SHISA9: variants seen among roughly 807,000 people sequenced by gnomAD.
SHISA9 encodes the protein shisa family member 9.
In SHISA9, 13 loss-of-function variants were observed where a neutral mutation model predicts 38.0. That is an observed-to-expected ratio of 0.34 (90% confidence interval 0.22 to 0.54). SHISA9 has a LOEUF of 0.54. Ranked by LOEUF, SHISA9 falls within the 20% of genes least tolerant of loss-of-function variation. SHISA9 has a pLI of 0.91. For synonymous variants in SHISA9, 275 were observed against 242.0 expected (o/e 1.14, Z -1.27); for missense variants, 538 against 575.8 (o/e 0.93, Z 0.67).
At chr16:13,019,514 C>G (rs893794719) in intron 2 of SHISA9, among the ~76,000 whole-genome samples, 2 of 151,942 alleles carry the variant, frequency 1.3e-5, no homozygotes, top group Non-Finnish European at 2.9e-5. Context: ...TACATAATCA[C>G]AAAGTCTCTG....
chr16:12,986,352 G>T (rs1419211430), intron 2 of SHISA9, among the ~76,000 whole-genome samples: 2 of 152,156 alleles, frequency 1.3e-5, no homozygotes, highest in Non-Finnish European at 2.9e-5. Flanking sequence ...GGGGAGACGA[G>T]GGTGAAGTAT....
At chr16:13,162,521 G>C (rs1382329525) in intron 2 of SHISA9, among the ~76,000 whole-genome samples, 2 of 152,156 alleles carry the variant, frequency 1.3e-5, no homozygotes, top group Non-Finnish European at 2.9e-5. Flanking sequence ...CTGATTGCTT[G>C]ACTGATACTC....
At chr16:13,378,259 G>C in the SHISA9 span, among the ~76,000 whole-genome samples, 1 of 152,140 alleles carries the variant, frequency 6.6e-6, no homozygotes, top group African/African-American at 2.4e-5. Flanking sequence ...CTTGTTCCAG[G>C]TACTCACATA....
At chr16:12,973,718 C>T (rs967313309) in intron 2 of SHISA9, among the ~76,000 whole-genome samples, 2 of 152,112 alleles carry the variant, frequency 1.3e-5, no homozygotes, top group African/African-American at 4.8e-5. Flanking sequence ...AAATTTTAAA[C>T]TATAAATATT....
the SHISA9 span, among the ~76,000 whole-genome samples, chr16:13,538,959 C>G: frequency 1.5e-4 from 23 of 151,886 alleles, no homozygotes; most frequent in Non-Finnish European, 8.8e-5. Context: ...TGTTGAGAAA[C>G]AGAATGCCTT....
At chr16:13,482,064 C>T in the SHISA9 span, among the ~76,000 whole-genome samples, 2 of 152,200 alleles carry the variant, frequency 1.3e-5, no homozygotes, top group Admixed American at 1.3e-4. Context: ...CGCATCTGTG[C>T]TTTTTCCATC....
At chr16:13,122,278 C>G (rs1245589250) in intron 2 of SHISA9, among the ~76,000 whole-genome samples, 1 of 152,126 alleles carries the variant, frequency 6.6e-6, no homozygotes, top group Non-Finnish European at 1.5e-5. Context: ...CCAAGGTTCC[C>G]CAGAAGTCCT....
chr16:13,493,522 G>T, the SHISA9 span, among the ~76,000 whole-genome samples: 1 of 152,176 alleles, frequency 6.6e-6, no homozygotes, highest in Admixed American at 6.5e-5. Context: ...ACGGGGCTCT[G>T]ATAGGTAGGA....
At chr16:13,370,213 C>G in the SHISA9 span, among the ~76,000 whole-genome samples, 1 of 152,134 alleles carries the variant, frequency 6.6e-6, no homozygotes, top group Non-Finnish European at 1.5e-5. Flanking sequence ...TAACGACCAA[C>G]GTAACTTGTG....
chr16:13,505,873 C>T, the SHISA9 span, among the ~76,000 whole-genome samples: 2 of 152,078 alleles, frequency 1.3e-5, no homozygotes, highest in Non-Finnish European at 2.9e-5. Context: ...AGGTGTTGAC[C>T]CATCTTTTTC....
the SHISA9 span, among the ~76,000 whole-genome samples, chr16:13,487,858 A>G: frequency 6.6e-6 from 1 of 152,230 alleles, no homozygotes; most frequent in Non-Finnish European, 1.5e-5. Flanking sequence ...GACTAGCTCC[A>G]TGTGCATTTG....
intron 2 of SHISA9, among the ~76,000 whole-genome samples, chr16:13,076,207 T>C (rs2073580013): frequency 6.6e-6 from 1 of 152,060 alleles, no homozygotes; most frequent in African/African-American, 2.4e-5. Context: ...AGTTTTGTAT[T>C]TTTAGTAGAG....
At chr16:13,173,828 G>A (rs892246341) in intron 2 of SHISA9, among the ~76,000 whole-genome samples, 6 of 152,184 alleles carry the variant, frequency 3.9e-5, no homozygotes, top group African/African-American at 1.4e-4. Context: ...AGTTCACAGG[G>A]CTGTTAGAGG....
chr16:13,335,631 A>G, the SHISA9 span, among the ~76,000 whole-genome samples: 1 of 152,142 alleles, frequency 6.6e-6, no homozygotes, highest in African/African-American at 2.4e-5. Context: ...CCAGTCACAC[A>G]CTTTCCCTGA....
rs553890922 is a variant in SHISA9 at position 13,071,432 on chromosome 16, G to A, written c.692-131962G>A. ...TTTCCATTTTACAGATAAAGTAGCT[G>A]AGGCTCAGAACATTGAGAAATTTCT... On this transcript the variant is annotated intron_variant, in intron 2 of 4. Transcript: ENST00000558583. 2.6e-5 allele frequency among the ~76,000 whole-genome samples: 4 copies of A among 152,226 alleles called. No homozygotes were observed. In the South Asian group the frequency reaches 8.3e-4, roughly 32 times the overall value.
intron 2 of SHISA9, among the ~76,000 whole-genome samples, chr16:13,097,872 A>G (rs145751376): frequency 6.6e-6 from 1 of 152,340 alleles, no homozygotes; most frequent in East Asian, 1.9e-4. Context: ...GTCCTGGCCA[A>G]TGGTGAAAAT....
intron 2 of SHISA9, among the ~76,000 whole-genome samples, chr16:13,178,701 G>T (rs932847044): frequency 6.6e-6 from 1 of 152,102 alleles, no homozygotes; most frequent in African/African-American, 2.4e-5. Context: ...TCCAGCCTTG[G>T]GTCTACAAGG....
At chr16:13,094,293 A>G (rs1316556591) in intron 2 of SHISA9, among the ~76,000 whole-genome samples, 1 of 152,236 alleles carries the variant, frequency 6.6e-6, no homozygotes, top group African/African-American at 2.4e-5. Flanking sequence ...CATCCTTGGA[A>G]GATGACTTTG....
rs2141812266 is a variant in SHISA9 at position 12,971,945 on chromosome 16, A to G, written c.691+55130A>G. Among the ~76,000 whole-genome samples, 3 of 152,030 alleles carry G rather than the reference A, an allele frequency of 2.0e-5. No homozygotes were observed. The South Asian group carries it at 6.2e-4, about 32-fold the overall frequency. ...CATTGTAGTCTAATTAGTCCACAAAAATTTCTCTTGCATGCTTAATCTATG... is the reference window on the plus strand; with the variant it reads ...CATTGTAGTCTAATTAGTCCACAAAGATTTCTCTTGCATGCTTAATCTATG... On this transcript the variant is annotated intron_variant, in intron 2 of 4. Coordinates refer to ENST00000558583, the MANE Select transcript of SHISA9 (RefSeq NM_001145204.3).
Sources: allele counts gnomAD v4.1 joint callset (sites outside exome capture counted in the v4.1 genomes callset), GRCh38; gene constraint gnomAD v4.1.1; transcripts MANE v1.5; gene names NCBI Gene and HGNC (gene_info 2026-07-23, HGNC 2026-07-21).